KDM4C: variants seen among roughly 807,000 people sequenced by gnomAD.
The protein encoded by KDM4C is lysine demethylase 4C, also known as lysine-specific demethylase 4C.
A neutral mutation model predicts 129.3 loss-of-function variants in KDM4C; 81 were observed. The ratio of observed to expected loss-of-function variants is 0.63; its 90% CI spans 0.52 to 0.75. The LOEUF (loss-of-function observed/expected upper bound fraction) is 0.75, where lower values mean the gene tolerates loss of function less well. Among genes scored for constraint, KDM4C ranks in the 30% least tolerant of loss-of-function variants. The probability of loss-of-function intolerance (pLI) is 0.00; values close to 1 mark genes in which losing one functional copy is unlikely to be tolerated. For missense variants in KDM4C, 1,457 were observed against 1,304.0 expected, an observed-to-expected ratio of 1.12 and a Z score of -1.81; for synonymous variants, 573 against 456.1, an observed-to-expected ratio of 1.26 and a Z score of -3.26.
At chr9:6,801,672 C>T (rs1829012348) in intron 2 of KDM4C, among the ~76,000 whole-genome samples, 1 of 151,226 alleles carries the variant, frequency 6.6e-6, no homozygotes, top group Non-Finnish European at 1.5e-5. Flanking sequence ...TATATGCCTC[C>T]ATATACACAT....
chr9:7,031,130 G>GTTTGTTTGTTTA lies in KDM4C; in HGVS notation c.2259+15204_2259+15205insGTTTGTTTATTT, dbSNP rs376556912. 2.8e-3 allele frequency among the ~76,000 whole-genome samples: 391 copies of GTTTGTTTGTTTA among 141,242 alleles called. 2 individuals carry two copies. The highest frequency in any genetic ancestry group is 3.9e-3 in the Non-Finnish European group (254 of 65,840). The allele number at this position is 141,242 out of a possible 152,430, so 92.7% of individuals were successfully genotyped here. A position where few individuals can be genotyped will look rare whatever the true frequency, so the allele number is the denominator to read the frequency against. On this transcript the variant is annotated intron_variant, in intron 15 of 21. Coordinates refer to ENST00000381309, the MANE Select transcript of KDM4C (RefSeq NM_015061.6). The stretch of plus-strand genomic sequence containing the variant: ...ATTCATTGTGTCCTTTATTTTACTT[G>GTTTGTTTGTTTA]TTTATTTATTTATTTATTTATTTAT...
At chr9:6,943,713 C>G (rs1429380799) in intron 8 of KDM4C, among the ~76,000 whole-genome samples, 3 of 152,134 alleles carry the variant, frequency 2.0e-5, no homozygotes, top group Non-Finnish European at 4.4e-5. Flanking sequence ...ATTATCTGCC[C>G]CAGTGGAAAC....
chr9:6,802,013 G>T (rs565961205), intron 2 of KDM4C, among the ~76,000 whole-genome samples: 1 of 151,878 alleles, frequency 6.6e-6, no homozygotes, highest in Admixed American at 6.6e-5. Context: ...GCTGAGATAG[G>T]AGAATTGCTT....
chr9:6,835,270 A>T (rs549548297), intron 4 of KDM4C: 72 of 912,546 alleles, frequency 7.9e-5, no homozygotes, highest in Middle Eastern at 4.3e-4. Flanking sequence ...ATCCTGTGGC[A>T]TCCATGAAAC....
intron 8 of KDM4C, among the ~76,000 whole-genome samples, chr9:6,961,961 CT>C (rs1830124757): frequency 6.6e-6 from 1 of 152,074 alleles, no homozygotes; most frequent in Non-Finnish European, 1.5e-5. Flanking sequence ...GCCTGCTGGC[CT>C]TCACAAGTTC....
At chr9:6,853,642 A>G (rs1362191482) in intron 5 of KDM4C, among the ~76,000 whole-genome samples, 1 of 152,260 alleles carries the variant, frequency 6.6e-6, no homozygotes. Context: ...ACAGGTTTGT[A>G]CTGAAGAGAC....
chr9:6,797,948 A>G (rs1828063721), intron 2 of KDM4C, among the ~76,000 whole-genome samples: 1 of 152,226 alleles, frequency 6.6e-6, no homozygotes, highest in African/African-American at 2.4e-5. Context: ...GCTTTCCCTC[A>G]TTTAGATTCA....
intron 12 of KDM4C, among the ~76,000 whole-genome samples, chr9:6,992,155 A>T (rs532561103): frequency 6.6e-6 from 1 of 152,084 alleles, no homozygotes; most frequent in African/African-American, 2.4e-5. Context: ...CCCATGGTAG[A>T]CTCTCTTCAG....
chr9:6,751,008 G>A (rs1424459278), intron 1 of KDM4C, among the ~76,000 whole-genome samples: 1 of 152,106 alleles, frequency 6.6e-6, no homozygotes, highest in African/African-American at 2.4e-5. Flanking sequence ...TCATTCTCTG[G>A]TAAGCTAGAA....
intron 12 of KDM4C, among the ~76,000 whole-genome samples, chr9:7,001,883 C>A (rs1820785415): frequency 6.6e-6 from 1 of 151,902 alleles, no homozygotes; most frequent in South Asian, 2.1e-4. Context: ...GGAGGTTTTT[C>A]CCATGAGTGG....
At chr9:7,132,161 C>T (rs778719952) in intron 19 of KDM4C, among the ~76,000 whole-genome samples, 1 of 152,174 alleles carries the variant, frequency 6.6e-6, no homozygotes, top group Non-Finnish European at 1.5e-5. Context: ...GTTTAATCAT[C>T]CCAAGCTATT....
chr9:7,155,627 G>A (rs544767327), intron 19 of KDM4C, among the ~76,000 whole-genome samples: 4 of 152,204 alleles, frequency 2.6e-5, no homozygotes, highest in South Asian at 2.1e-4. Context: ...CTGTCCTTGC[G>A]ATAGTTTGCT....
At chr9:6,981,170 T>A in intron 9 of KDM4C, 52 bp downstream of exon 9, 1 of 1,449,976 alleles carries the variant, frequency 6.9e-7, no homozygotes, top group Non-Finnish European at 9.3e-7. Context: ...TTTTCTCAGT[T>A]AAAATGGGTC....
intron 17 of KDM4C, among the ~76,000 whole-genome samples, chr9:7,093,867 C>T (rs182927642): frequency 2.6e-5 from 4 of 152,140 alleles, no homozygotes; most frequent in Non-Finnish European, 4.4e-5. Context: ...TTTCATTCCC[C>T]GTGACTGGTA....
At chr9:6,799,619 G>T (rs936776828) in intron 2 of KDM4C, among the ~76,000 whole-genome samples, 2 of 149,386 alleles carry the variant, frequency 1.3e-5, no homozygotes, top group South Asian at 2.1e-4. Flanking sequence ...GACGGGAGAC[G>T]GGAGAGGGCT....
At chr9:6,961,225 G>C (rs1454429211) in intron 8 of KDM4C, among the ~76,000 whole-genome samples, 1 of 152,100 alleles carries the variant, frequency 6.6e-6, no homozygotes, top group Non-Finnish European at 1.5e-5. Context: ...TAGCCTAATA[G>C]TCATGAAATA....
intron 8 of KDM4C, among the ~76,000 whole-genome samples, chr9:6,926,987 T>C (rs1189936321): frequency 1.3e-5 from 2 of 152,214 alleles, no homozygotes; most frequent in Admixed American, 1.3e-4. Flanking sequence ...GGAAAATATA[T>C]TGATTGGGTG....
chr9:6,940,092 T>TTTTC (rs1825677547), intron 8 of KDM4C, among the ~76,000 whole-genome samples: 1 of 149,944 alleles, frequency 6.7e-6, no homozygotes, highest in Non-Finnish European at 1.5e-5. Flanking sequence ...TCTTTCCTTC[T>TTTTC]TTTCTTTCTT....
chr9:7,104,020 G>T, intron 18 of KDM4C, 150 bp downstream of exon 18: 1 of 687,622 alleles, frequency 1.5e-6, no homozygotes, highest in Non-Finnish European at 2.4e-6. Context: ...CAGGGATTGC[G>T]CACTGTTATT....
Sources: allele counts gnomAD v4.1 joint callset (sites outside exome capture counted in the v4.1 genomes callset), GRCh38; gene constraint gnomAD v4.1.1; transcripts MANE v1.5; gene names NCBI Gene and HGNC (gene_info 2026-07-23, HGNC 2026-07-21).